Variants in TRANK1 observed in about 807,000 individuals in gnomAD.
TRANK1 encodes the protein tetratricopeptide repeat and ankyrin repeat containing 1.
Under a neutral mutation model 266.0 loss-of-function variants are expected in TRANK1, and 198 were observed. The observed-to-expected ratio is 0.74, with a 90% confidence interval of 0.66 to 0.84. TRANK1 has a LOEUF of 0.84. Among genes scored for constraint, TRANK1 ranks in the 40% least tolerant of loss-of-function variants. The pLI, the probability that TRANK1 is intolerant of heterozygous loss-of-function variation, is 0.00. For missense variants in TRANK1, 3,326 were observed against 3,634.6 expected (o/e 0.92, Z 2.18); for synonymous variants, 1,396 against 1,384.1 (o/e 1.01, Z -0.19).
intron 10 of TRANK1, among the ~76,000 whole-genome samples, chr3:36,863,010 A>G (rs982042263): frequency 5.9e-5 from 9 of 151,504 alleles, no homozygotes; most frequent in Admixed American, 2.0e-4. Context: ...TACAAAGAGG[A>G]AAAAAAAAGG....
intron 1 of TRANK1, among the ~76,000 whole-genome samples, chr3:36,935,461 T>C (rs2080412561): frequency 6.7e-6 from 1 of 149,126 alleles, no homozygotes; most frequent in South Asian, 2.2e-4. Context: ...TTTTTTTTTT[T>C]TTTTTTGAGA....
At position 36,840,071 on chromosome 3, in the gene TRANK1, C is replaced by A. The variant is rs529259347; in HGVS notation, c.5281-1355G>T. 3.6e-4 allele frequency among the ~76,000 whole-genome samples: 55 copies of A among 152,128 alleles called. 1 individual carries two copies. The South Asian group carries it at 0.011, about 31-fold the overall frequency. Reference sequence around the variant, plus strand: ...AAATATTCAAAAGGTATTTTTAAAGCGATAAATAATTGGATATCCATGGGC... The same window carrying A: ...AAATATTCAAAAGGTATTTTTAAAGAGATAAATAATTGGATATCCATGGGC... On this transcript the variant is annotated intron_variant, in intron 18 of 23. Transcript: ENST00000645898.
chr3:36,853,406 G>A (rs886434420), intron 13 of TRANK1, among the ~76,000 whole-genome samples: 2 of 152,170 alleles, frequency 1.3e-5, no homozygotes, highest in African/African-American at 4.8e-5. Context: ...TTACCAAATA[G>A]TGAAGGGAAA....
intron 1 of TRANK1, among the ~76,000 whole-genome samples, chr3:36,920,075 T>C (rs993501866): frequency 6.6e-6 from 1 of 152,216 alleles, no homozygotes; most frequent in Non-Finnish European, 1.5e-5. Context: ...GTACACAAAC[T>C]ATAATAAGTT....
At position 36,857,859 on chromosome 3, in the gene TRANK1, G is replaced by A. The variant is rs370561199; in HGVS notation, c.1863C>T (p.Phe621=). ...LDLLVKFDIN[F]NLKNKEGKDA... ...CTTTGCCCTCTTTGTTCTTCAGATT[G>A]AAGTTGATGTCAAACTTCACCAGCA... The change falls in exon 13 of 24, where the codon TTC becomes TTT. Residue 621 remains phenylalanine, a synonymous_variant. Coordinates refer to ENST00000645898, the MANE Select transcript of TRANK1 (RefSeq NM_001329998.2). This position sits in a 1 kb window ranked among gnomAD's most constrained non-coding sequence, Gnocchi z 4.3. 11 of 1,609,520 alleles carry A rather than the reference G, an allele frequency of 6.8e-6. No individual in the cohort carries two copies. In the African/African-American group the frequency reaches 1.5e-4, roughly 22 times the overall value.
At chr3:36,860,501 G>A (rs2079127161) in intron 11 of TRANK1, among the ~76,000 whole-genome samples, 1 of 152,188 alleles carries the variant, frequency 6.6e-6, no homozygotes, top group African/African-American at 2.4e-5. Context: ...CCAATCTGTT[G>A]ATCAGAAAAG....
At chr3:36,842,082 A>T (rs774033389) in intron 18 of TRANK1, among the ~76,000 whole-genome samples, 1 of 152,224 alleles carries the variant, frequency 6.6e-6, no homozygotes, top group Non-Finnish European at 1.5e-5. Flanking sequence ...AAATGTAAAG[A>T]GGTCTGCTAC....
Position 36,836,879 on chromosome 3 carries a change from C to G in TRANK1, c.5517+1493G>C, listed in dbSNP as rs117311714. Among the ~76,000 whole-genome samples the G allele has an allele frequency of 2.0e-3, 308 of 152,332 alleles. 6 individuals carry two copies. In the East Asian group the frequency reaches 0.048, roughly 24 times the overall value. ...CCTTTCTGCTTCAGCTCTTGCTGCC[C>G]TATAGACCTCTTCACAGAGCATCCA... On this transcript the variant is annotated intron_variant, in intron 20 of 23. Coordinates refer to ENST00000645898, the MANE Select transcript of TRANK1 (RefSeq NM_001329998.2).
rs184588030 is a variant in TRANK1, at chr3:36,916,802, T to G, written c.24-8348A>C. 8.1e-3 allele frequency among the ~76,000 whole-genome samples: 1,219 copies of G among 150,762 alleles called. 18 individuals are homozygous for G. The highest frequency in any genetic ancestry group is 0.029 in the African/African-American group (1,161 of 40,432). On this transcript the variant is annotated intron_variant, in intron 1 of 23. Transcript: ENST00000645898. ...CAAATATAAATGTATGGGTTTTTTT[T>G]GTTTTTTTTTTTGTTTTTTGTTTTT...
At chr3:36,848,746 T>C (rs761649666) in intron 15 of TRANK1, among the ~76,000 whole-genome samples, 6 of 152,232 alleles carry the variant, frequency 3.9e-5, no homozygotes, top group Admixed American at 6.5e-5. Context: ...TCAGGACATA[T>C]TTGTGACTGT....
In TRANK1 at chr3:36,832,187, C is replaced by T; in HGVS notation, c.7396G>A (p.Val2466Met). 1 of 1,613,966 alleles carries T rather than the reference C, an allele frequency of 6.2e-7. No individual in the cohort carries two copies. The highest frequency in any genetic ancestry group is 1.1e-5 in the South Asian group (1 of 91,072). Residue 2466 changes from valine (V) to methionine (M), a missense_variant, in exon 22 of 24, where the codon GTG (valine) becomes ATG (methionine). Transcript: ENST00000645898. ...ACATTCTTCCAGAGGCGGGCCAGCA[C>T]CACCCCACAGTGGATGAACTGGAAC... ...LEFQFIHCGV[V>M]LARLWKNVIL...
At chr3:36,918,828 A>G (rs2080175475) in intron 1 of TRANK1, among the ~76,000 whole-genome samples, 1 of 152,162 alleles carries the variant, frequency 6.6e-6, no homozygotes, top group South Asian at 2.1e-4. Context: ...TCGGTTTTGT[A>G]GTAGTACTGA....
intron 15 of TRANK1, chr3:36,850,384 GAA>G (rs1216462142): frequency 2.0e-6 from 2 of 985,336 alleles, no homozygotes; most frequent in African/African-American, 1.7e-5. Flanking sequence ...AAGGAAAATG[GAA>G]AGAGATTTAG....
At chr3:36,895,419 T>C (rs1433874655) in intron 5 of TRANK1, among the ~76,000 whole-genome samples, 1 of 152,256 alleles carries the variant, frequency 6.6e-6, no homozygotes, top group African/African-American at 2.4e-5. Flanking sequence ...TTGATGACAG[T>C]GGAGACACAG....
Position 36,833,300 on chromosome 3 carries a change from C to G in TRANK1, c.6283G>C (p.Val2095Leu). The G allele has an allele frequency of 6.2e-7, 1 of 1,614,022 alleles. No individual in the cohort carries two copies. The change falls in exon 22 of 24, where the codon GTC becomes CTC. Residue 2095 changes from valine (V) to leucine (L), a missense_variant. Physicochemically the swap from Val to Leu is conservative, Grantham distance 32 (BLOSUM62 1). Transcript: ENST00000645898. ...TTGGTCACTCTTTTGAGAGCCCTGA[C>G]CAGACTGAGGAGGATTTCCAAGCCC... ...PGGLEILLSL[V>L]RALKRVTNNA...
intron 13 of TRANK1, among the ~76,000 whole-genome samples, chr3:36,854,739 G>A (rs1259565101): frequency 2.6e-5 from 4 of 151,380 alleles, no homozygotes; most frequent in Non-Finnish European, 5.9e-5. Flanking sequence ...CCAAGTGTGT[G>A]TTAACTCCCA....
intron 4 of TRANK1, among the ~76,000 whole-genome samples, chr3:36,897,547 A>G (rs765934855): frequency 7.2e-5 from 11 of 152,198 alleles, no homozygotes; most frequent in African/African-American, 1.2e-4. Context: ...GATTCCACCT[A>G]CAGACCACAG....
In TRANK1 at chr3:36,944,908, C is replaced by G. The variant is rs1323836987; in HGVS notation, c.-99G>C. The G allele has an allele frequency of 3.9e-6, 5 of 1,269,500 alleles. No homozygotes were observed. The highest frequency in any genetic ancestry group is 4.1e-6 in the Non-Finnish European group (4 of 984,142). 78.6% of individuals were successfully genotyped at this position (1,269,500 alleles called of 1,614,324 possible). A position where few individuals can be genotyped will look rare whatever the true frequency, so the allele number is the denominator to read the frequency against. On this transcript the variant is annotated 5_prime_UTR_variant, in exon 1 of 24. Transcript: ENST00000645898. ...GGCAGTGCGGAAGCCCGAAAGCTACCGGAGCCCGGGGCAGGGGCGGCGCGA... is the reference window on the plus strand; with the variant it reads ...GGCAGTGCGGAAGCCCGAAAGCTACGGGAGCCCGGGGCAGGGGCGGCGCGA...
chr3:36,833,427 C>T lies in TRANK1; in HGVS notation c.6156G>A (p.Lys2052=), dbSNP rs1378338519. Residue 2052 remains lysine, a synonymous_variant, in exon 22 of 24, where the codon AAG becomes AAA. Coordinates refer to ENST00000645898, the MANE Select transcript of TRANK1 (RefSeq NM_001329998.2). ...DFQKLRDAFF[K]FDTLNHSAGV... ...CAGCTGAGTGGTTGAGCGTGTCAAACTTGAAGAAGGCATCCCTGAGCTTCT... is the reference window on the plus strand; with the variant it reads ...CAGCTGAGTGGTTGAGCGTGTCAAATTTGAAGAAGGCATCCCTGAGCTTCT... 1 of 1,613,886 alleles carries T rather than the reference C, an allele frequency of 6.2e-7. No individual in the cohort carries two copies.
Sources: gnomAD v4.1 joint callset for allele counts (sites outside exome capture counted in the v4.1 genomes callset) on GRCh38, gnomAD v4.1.1 for gene constraint, Gnocchi (gnomAD v3.1) non-coding constraint, MANE v1.5 for transcripts, NCBI Gene and HGNC (gene_info 2026-07-23, HGNC 2026-07-21) for gene names.